The following PTK2 variants were observed in gnomAD, a reference collection of about 807,000 sequenced individuals.
PTK2 encodes protein tyrosine kinase 2.
PTK2 carries 45 observed loss-of-function variants against 150.1 expected under a neutral mutation model. The ratio of observed to expected loss-of-function variants is 0.30; its 90% CI spans 0.24 to 0.38. The LOEUF is 0.38. Among genes scored for constraint, PTK2 ranks in the 10% least tolerant of loss-of-function variants. The pLI, the probability that PTK2 is intolerant of heterozygous loss-of-function variation, is 1.00. For missense variants in PTK2, 919 were observed against 1,307.3 expected (o/e 0.70, Z 4.58); for synonymous variants, 432 against 449.2 (o/e 0.96, Z 0.48).
chr8:140,680,220 A>G lies in PTK2; in HGVS notation c.2563-4721T>C, dbSNP rs371245451. On this transcript the variant is annotated intron_variant, in intron 27 of 31. Transcript: ENST00000522684. The stretch of plus-strand genomic sequence containing the variant: ...AGTTGGGCCCATCATGTGTCATCTG[A>G]TTGTCTTAGAAGTTCTTTTTTTCTA... 2.8e-4 allele frequency among the ~76,000 whole-genome samples: 43 copies of G among 152,140 alleles called. 2 individuals are homozygous for G. The highest frequency in any genetic ancestry group is 1.0e-3 in the African/African-American group (42 of 41,518).
intron 1 of PTK2, among the ~76,000 whole-genome samples, chr8:140,960,256 T>C (rs550345398): frequency 8.2e-6 from 1 of 122,126 alleles, no homozygotes; most frequent in Non-Finnish European, 1.6e-5. Context: ...TGGAGCGCAA[T>C]GGCACGATCT....
chr8:140,837,778 G>C (rs2100119662), intron 7 of PTK2, among the ~76,000 whole-genome samples: 1 of 150,802 alleles, frequency 6.6e-6, no homozygotes, highest in African/African-American at 2.4e-5. Flanking sequence ...CAGTAAAGCA[G>C]CTGGGCACGG....
intron 2 of PTK2, among the ~76,000 whole-genome samples, chr8:140,899,464 A>G (rs1346700690): frequency 1.3e-5 from 2 of 152,238 alleles, no homozygotes; most frequent in African/African-American, 2.4e-5. Flanking sequence ...AGATTGAATC[A>G]TGAAGAAACA....
At chr8:140,853,173 T>G (rs2100130393) in intron 5 of PTK2, among the ~76,000 whole-genome samples, 1 of 149,908 alleles carries the variant, frequency 6.7e-6, no homozygotes, top group African/African-American at 2.4e-5. Context: ...TTGGCAAACC[T>G]TTGCATATGA....
At chr8:140,871,014 C>T (rs918005348) in intron 4 of PTK2, among the ~76,000 whole-genome samples, 1 of 151,984 alleles carries the variant, frequency 6.6e-6, no homozygotes, top group African/African-American at 2.4e-5. Context: ...AGAAGCCATA[C>T]AACATATACA....
intron 1 of PTK2, among the ~76,000 whole-genome samples, chr8:140,942,137 C>T (rs772505089): frequency 1.3e-5 from 2 of 152,118 alleles, no homozygotes; most frequent in Non-Finnish European, 2.9e-5. Context: ...CCTCAGCCTC[C>T]CAAAGGGTTG....
chr8:140,682,598 C>T (rs1400829428), intron 27 of PTK2, among the ~76,000 whole-genome samples: 1 of 150,864 alleles, frequency 6.6e-6, no homozygotes, highest in Non-Finnish European at 1.5e-5. Flanking sequence ...CTAAAATAAA[C>T]CACACAATTG....
At chr8:140,947,841 T>C (rs1455971999) in intron 1 of PTK2, among the ~76,000 whole-genome samples, 2 of 152,222 alleles carry the variant, frequency 1.3e-5, no homozygotes, top group East Asian at 1.9e-4. Context: ...AACTGACTAG[T>C]TGTGCCCAGG....
intron 29 of PTK2, among the ~76,000 whole-genome samples, chr8:140,671,570 T>C (rs1274158040): frequency 3.3e-5 from 5 of 152,004 alleles, no homozygotes; most frequent in Non-Finnish European, 5.9e-5. Context: ...TTCAATGACC[T>C]CTACCAAGCA....
At chr8:140,875,865 C>A (rs1316102135) in intron 4 of PTK2, among the ~76,000 whole-genome samples, 1 of 152,028 alleles carries the variant, frequency 6.6e-6, no homozygotes, top group Non-Finnish European at 1.5e-5. Flanking sequence ...CATTTAAAGG[C>A]CAAACAGTTC....
At chr8:140,986,198 G>C (rs2100193196) in intron 1 of PTK2, among the ~76,000 whole-genome samples, 1 of 152,214 alleles carries the variant, frequency 6.6e-6, no homozygotes. Context: ...TAGTGTAACT[G>C]AGGAATGGGC....
intron 10 of PTK2, among the ~76,000 whole-genome samples, chr8:140,811,156 G>A (rs1427808745): frequency 6.6e-6 from 1 of 152,360 alleles, no homozygotes; most frequent in East Asian, 1.9e-4. Context: ...CCATTGGAGT[G>A]TAGTGACCAG....
chr8:140,681,792 G>A (rs1427397992), intron 27 of PTK2, among the ~76,000 whole-genome samples: 1 of 152,142 alleles, frequency 6.6e-6, no homozygotes, highest in Non-Finnish European at 1.5e-5. Context: ...AAAGCAGTTG[G>A]TCCTAAAACG....
At chr8:140,961,634 C>T (rs2100183228) in intron 1 of PTK2, among the ~76,000 whole-genome samples, 1 of 150,996 alleles carries the variant, frequency 6.6e-6, no homozygotes, top group South Asian at 2.1e-4. Context: ...TGGTCTCCAG[C>T]CTGAGCGACA....
intron 2 of PTK2, among the ~76,000 whole-genome samples, chr8:140,904,241 T>C (rs1171425688): frequency 2.6e-5 from 4 of 152,214 alleles, no homozygotes; most frequent in Non-Finnish European, 5.9e-5. Context: ...AGGCCTTTTC[T>C]GCATCTATTG....
chr8:140,712,497 G>T (rs2100037376), intron 23 of PTK2, among the ~76,000 whole-genome samples: 3 of 152,140 alleles, frequency 2.0e-5, no homozygotes, highest in Admixed American at 6.5e-5. Context: ...TTAAAGGTGA[G>T]TTGCAATGTG....
At chr8:140,810,428 C>A (rs1017223337) in intron 10 of PTK2, among the ~76,000 whole-genome samples, 3 of 152,168 alleles carry the variant, frequency 2.0e-5, no homozygotes, top group African/African-American at 4.8e-5. Context: ...GGGGTCCCAG[C>A]CTGAACGAGC....
chr8:140,803,681 T>C, intron 10 of PTK2, 31 bp from the exon 11 acceptor site: 1 of 1,568,400 alleles, frequency 6.4e-7, no homozygotes, highest in Non-Finnish European at 8.8e-7. Context: ...ATCTTTAGAC[T>C]ACGGATAAAA....
At chr8:140,927,764 C>T (rs1200270859) in intron 1 of PTK2, among the ~76,000 whole-genome samples, 13 of 150,856 alleles carry the variant, frequency 8.6e-5, no homozygotes, top group African/African-American at 2.9e-4. Context: ...AAGACCACCC[C>T]GACCAACATG....
Sources: gnomAD v4.1 joint callset for allele counts (sites outside exome capture counted in the v4.1 genomes callset) on GRCh38, gnomAD v4.1.1 for gene constraint, MANE v1.5 for transcripts, NCBI Gene and HGNC (gene_info 2026-07-23, HGNC 2026-07-21) for gene names.